GPCPD1: variants seen among roughly 807,000 people sequenced by gnomAD.
GPCPD1 encodes the protein glycerophosphocholine phosphodiesterase 1.
A neutral mutation model predicts 89.2 loss-of-function variants in GPCPD1; 29 were observed. That is an observed-to-expected ratio of 0.33 (90% CI 0.24 to 0.44). GPCPD1 has a LOEUF of 0.44. Among genes scored for constraint, GPCPD1 ranks in the 20% least tolerant of loss-of-function variants. The pLI, the probability that GPCPD1 is intolerant of heterozygous loss-of-function variation, is 1.00. For synonymous variants in GPCPD1, 258 were observed against 266.3 expected, an observed-to-expected ratio of 0.97 and a Z score of 0.30; for missense variants, 594 against 808.9, an observed-to-expected ratio of 0.73 and a Z score of 3.22.
Position 5,565,075 on chromosome 20 carries a change from G to A in GPCPD1, c.1271C>T (p.Ser424Phe), listed in dbSNP as rs374957195. 5.3e-6 allele frequency: 8 copies of A among 1,495,726 alleles called. No individual in the cohort carries two copies. The African/African-American group carries it at 8.3e-5, about 15-fold the overall frequency. 92.7% of individuals were successfully genotyped at this position (1,495,726 alleles called of 1,614,324 possible). A position where few individuals can be genotyped will look rare whatever the true frequency, so the allele number is the denominator to read the frequency against. The change falls in exon 15 of 20, where the codon TCT becomes TTT. Residue 424 changes from serine (S) to phenylalanine (F), a missense_variant. Coordinates refer to ENST00000379019, the MANE Select transcript of GPCPD1 (RefSeq NM_019593.5). ...TALKSKDRKE[S>F]VVQEENSFSE... is the part of the protein sequence containing the mutation. ...AAAGGAATTTTCCTCCTGAACCACA[G>A]ATTCTGAAATTTTAAAACACAAAAT...
chr20:5,595,314 TAATA>T (rs922799885), intron 3 of GPCPD1, among the ~76,000 whole-genome samples: 15 of 151,346 alleles, frequency 9.9e-5, no homozygotes, highest in Non-Finnish European at 2.1e-4. Flanking sequence ...AATAAATAAA[TAATA>T]AATAAGTAAA....
chr20:5,555,582 C>T lies in GPCPD1; in HGVS notation c.1829+2363G>A, dbSNP rs555447681. 9.9e-5 allele frequency among the ~76,000 whole-genome samples: 15 copies of T among 152,046 alleles called. No homozygotes were observed. In the South Asian group the frequency reaches 2.5e-3, roughly 25 times the overall value. ...TAAAAATAAAGATGTTTTGGCAGGGCGCGGTGGCTCACACCTGTAATCCCA... is the reference window on the plus strand; with the variant it reads ...TAAAAATAAAGATGTTTTGGCAGGGTGCGGTGGCTCACACCTGTAATCCCA... On this transcript the variant is annotated intron_variant, in intron 19 of 19. Coordinates refer to ENST00000379019, the MANE Select transcript of GPCPD1 (RefSeq NM_019593.5).
At chr20:5,577,702 T>C (rs1489481714) in intron 8 of GPCPD1, among the ~76,000 whole-genome samples, 2 of 152,010 alleles carry the variant, frequency 1.3e-5, no homozygotes, top group South Asian at 4.1e-4. Flanking sequence ...TAAACTCTAA[T>C]CTAGTATAAA....
At chr20:5,568,272 C>CTTAGT (rs1986515924) in intron 12 of GPCPD1, among the ~76,000 whole-genome samples, 1 of 128,676 alleles carries the variant, frequency 7.8e-6, no homozygotes, top group Non-Finnish European at 1.6e-5. Flanking sequence ...TACTAAAATC[C>CTTAGT]ATCACATATA....
rs757011596 is a variant in GPCPD1, at chr20:5,586,290, GT to G, written c.232-22del. 3.6e-6 allele frequency: 5 copies of G among 1,391,694 alleles called. No homozygotes were observed. The East Asian group carries it at 1.1e-4, about 32-fold the overall frequency. The allele number at this position is 1,391,694 out of a possible 1,614,324, so 86.2% of individuals were successfully genotyped here. A position where few individuals can be genotyped will look rare whatever the true frequency, so the allele number is the denominator to read the frequency against. On this transcript the variant is annotated intron_variant, in intron 4 of 19. Coordinates refer to ENST00000379019, the MANE Select transcript of GPCPD1 (RefSeq NM_019593.5). ...ATAGTCTGCAATTTAAAAGTTAAAC[GT>G]CTGCAATAATTTCTTATATCTTATT... is the stretch of plus-strand genomic sequence containing the variant.
At chr20:5,550,959 CGAGA>C (rs1568638952) in intron 19 of GPCPD1, among the ~76,000 whole-genome samples, 1 of 152,122 alleles carries the variant, frequency 6.6e-6, no homozygotes, top group African/African-American at 2.4e-5. Context: ...GCTATTACTC[CGAGA>C]GAGACACTGT....
chr20:5,551,278 AAAG>A (rs1985392089), intron 19 of GPCPD1, among the ~76,000 whole-genome samples: 1 of 152,196 alleles, frequency 6.6e-6, no homozygotes, highest in Non-Finnish European at 1.5e-5. Flanking sequence ...GCACACACAC[AAAG>A]AAGTACACGC....
At chr20:5,595,514 G>A (rs112720378) in intron 3 of GPCPD1, among the ~76,000 whole-genome samples, 1 of 152,042 alleles carries the variant, frequency 6.6e-6, no homozygotes, top group Non-Finnish European at 1.5e-5. Context: ...GATGGCACAA[G>A]CCTGTAATCC....
intron 19 of GPCPD1, among the ~76,000 whole-genome samples, chr20:5,552,431 T>C (rs1985472873): frequency 6.6e-6 from 1 of 152,258 alleles, no homozygotes; most frequent in South Asian, 2.1e-4. Context: ...TGTATCTTCC[T>C]GTTCTCCATT....
intron 19 of GPCPD1, among the ~76,000 whole-genome samples, chr20:5,554,028 GTGTGATCTCTGCTCACTGCAAGCTCCGAC>G (rs1351678611): frequency 1.5e-5 from 2 of 136,016 alleles, no homozygotes; most frequent in Non-Finnish European, 3.1e-5. Context: ...CAGTGCAGTG[GTGTGATCTCTGCTCACTGCAAGCTCCGAC>G]TCCTCGGTTC....
chr20:5,573,748 AAAAAG>A (rs1420432883), intron 11 of GPCPD1, among the ~76,000 whole-genome samples, 162 bp downstream of exon 11: 1 of 152,190 alleles, frequency 6.6e-6, no homozygotes, highest in Non-Finnish European at 1.5e-5. Flanking sequence ...TGTCTCAAAA[AAAAAG>A]AAAAGATGCT....
Position 5,567,527 on chromosome 20 carries a change from T to C in GPCPD1, c.1183A>G (p.Ile395Val). The C allele has an allele frequency of 6.4e-7, 1 of 1,551,188 alleles. No individual in the cohort carries two copies. Among genetic ancestry groups the C allele is most frequent in the South Asian group, 1.2e-5 (1 of 80,432 alleles). Residue 395 changes from isoleucine to valine, a missense_variant, in exon 13 of 20, where the codon ATT becomes GTT. Coordinates refer to ENST00000379019, the MANE Select transcript of GPCPD1 (RefSeq NM_019593.5). ...FDADPVELFEIPVKELTFDQL... is the reference protein window; with the variant it reads ...FDADPVELFEVPVKELTFDQL... ...TCAAATGTTAATTCTTTTACTGGAA[T>C]TTCAAATAATTCAACTGGATCAGCA... is the stretch of plus-strand genomic sequence containing the variant.
Position 5,567,543 on chromosome 20 carries a change from T to C in GPCPD1, c.1167A>G (p.Pro389=), listed in dbSNP as rs1359048519. ...TTACTGGAATTTCAAATAATTCAAC[T>C]GGATCAGCATCAAATTTCTAAAAAA... ...LTMKKKFDAD[P]VELFEIPVKE... The change falls in exon 13 of 20, where the codon CCA becomes CCG. Residue 389 remains proline, a synonymous_variant. Coordinates refer to ENST00000379019, the MANE Select transcript of GPCPD1 (RefSeq NM_019593.5). 2 of 1,516,896 alleles carry C rather than the reference T, an allele frequency of 1.3e-6. No homozygotes were observed. The highest frequency in any genetic ancestry group is 3.0e-5 in the African/African-American group (2 of 65,916). The allele number at this position is 1,516,896 out of a possible 1,614,324, so 94.0% of individuals were successfully genotyped here. A position where few individuals can be genotyped will look rare whatever the true frequency, so the allele number is the denominator to read the frequency against.
At chr20:5,598,335 G>A (rs1409146918) in intron 3 of GPCPD1, among the ~76,000 whole-genome samples, 1 of 152,138 alleles carries the variant, frequency 6.6e-6, no homozygotes, top group African/African-American at 2.4e-5. Context: ...CAGCCCAGGA[G>A]TTCAAGGCTG....
chr20:5,566,671 T>C (rs982447769), intron 14 of GPCPD1, 62 bp downstream of exon 14: 1 of 985,420 alleles, frequency 1.0e-6, no homozygotes, highest in Middle Eastern at 2.1e-4. Flanking sequence ...CTAAAATCGA[T>C]TTTAAAAATC....
chr20:5,595,766 A>C lies in GPCPD1; in HGVS notation c.147-2355T>G, dbSNP rs552399546. On this transcript the variant is annotated intron_variant, in intron 3 of 19. Transcript: ENST00000379019. ...TTCCAGGTGGACTCTTCCAATTAAG[A>C]ATAGAAAGTTGCCATTTCTGCTACC... 3.3e-5 allele frequency among the ~76,000 whole-genome samples: 5 copies of C among 151,936 alleles called. No individual in the cohort carries two copies. In the East Asian group the frequency reaches 9.8e-4, roughly 30 times the overall value.
chr20:5,606,912 G>A (rs1980623815), intron 1 of GPCPD1, among the ~76,000 whole-genome samples: 3 of 152,198 alleles, frequency 2.0e-5, no homozygotes, highest in African/African-American at 7.2e-5. Flanking sequence ...CCAATGTGCA[G>A]TCATGTCACA....
At chr20:5,597,096 A>C (rs1161427980) in intron 3 of GPCPD1, among the ~76,000 whole-genome samples, 2 of 152,216 alleles carry the variant, frequency 1.3e-5, no homozygotes, top group Non-Finnish European at 2.9e-5. Context: ...ACTTGAAGGA[A>C]ATACTAGTCT....
chr20:5,572,844 T>C (rs1334228129), intron 11 of GPCPD1, among the ~76,000 whole-genome samples: 1 of 151,660 alleles, frequency 6.6e-6, no homozygotes, highest in Non-Finnish European at 1.5e-5. Context: ...CAAGTTGGTA[T>C]GCAAGGGTGG....
Sources: gnomAD v4.1 joint callset for allele counts (sites outside exome capture counted in the v4.1 genomes callset) on GRCh38, gnomAD v4.1.1 for gene constraint, MANE v1.5 for transcripts, NCBI Gene and HGNC (gene_info 2026-07-23, HGNC 2026-07-21) for gene names.